Variants in LRRC37A2 observed in about 807,000 individuals in gnomAD.
LRRC37A2 encodes the protein leucine rich repeat containing 37 member A2.
In LRRC37A2, 9 loss-of-function variants were observed where a neutral mutation model predicts 68.8. The observed-to-expected ratio is 0.13, with a 90% confidence interval of 0.08 to 0.23. The LOEUF is 0.23. Among genes scored for constraint, LRRC37A2 ranks in the 10% least tolerant of loss-of-function variants. The pLI, the probability that LRRC37A2 is intolerant of heterozygous loss-of-function variation, is 1.00. For synonymous variants in LRRC37A2, 63 were observed against 367.6 expected (o/e 0.17, Z 9.48); for missense variants, 168 against 950.4 (o/e 0.18, Z 10.82).
At chr17:46,999,522 T>G in the LRRC37A2 span, among the ~76,000 whole-genome samples, 2 of 152,066 alleles carry the variant, frequency 1.3e-5, no homozygotes, top group Non-Finnish European at 2.9e-5. Flanking sequence ...CTAATTTTTG[T>G]AATTTTTTGT....
the LRRC37A2 span, chr17:47,021,877 C>T: frequency 2.0e-6 from 3 of 1,520,952 alleles, no homozygotes; most frequent in African/African-American, 4.1e-5. Context: ...ATATTTCTTA[C>T]ATTGATGGAA....
At chr17:46,862,632 G>A in the LRRC37A2 span, among the ~76,000 whole-genome samples, 2 of 152,108 alleles carry the variant, frequency 1.3e-5, no homozygotes, top group Non-Finnish European at 2.9e-5. Flanking sequence ...GCCCAGGCTG[G>A]AGTGCAGTGG....
At chr17:46,972,699 C>T in the LRRC37A2 span, among the ~76,000 whole-genome samples, 6 of 152,304 alleles carry the variant, frequency 3.9e-5, no homozygotes, top group Admixed American at 6.5e-5. Flanking sequence ...TGCTCTGTAG[C>T]CCCAAACCCT....
chr17:46,497,675 A>T, the LRRC37A2 span, among the ~76,000 whole-genome samples: 11 of 149,900 alleles, frequency 7.3e-5, 2 homozygotes, highest in African/African-American at 2.8e-4. Context: ...AGTGTATATT[A>T]TATCTACATG....
the LRRC37A2 span, among the ~76,000 whole-genome samples, chr17:46,697,282 C>G: frequency 7.7e-6 from 1 of 130,602 alleles, no homozygotes. Context: ...ACAGTCTTCG[C>G]TCACTGCAAC....
At chr17:46,766,323 G>A in the LRRC37A2 span, among the ~76,000 whole-genome samples, 2 of 151,834 alleles carry the variant, frequency 1.3e-5, no homozygotes, top group South Asian at 2.1e-4. Context: ...CAGGAGAATC[G>A]CTTGAACCCA....
chr17:46,691,683 C>T, the LRRC37A2 span, among the ~76,000 whole-genome samples: 1 of 151,692 alleles, frequency 6.6e-6, no homozygotes, highest in Non-Finnish European at 1.5e-5. Context: ...TCATTATGCT[C>T]ATTTAATTTT....
the LRRC37A2 span, among the ~76,000 whole-genome samples, chr17:46,965,628 T>TCTGTTCTTTG: frequency 6.6e-6 from 1 of 151,792 alleles, no homozygotes; most frequent in African/African-American, 2.4e-5. Flanking sequence ...ATGCCTTCTC[T>TCTGTTCTTTG]TTCTTTTTTT....
chr17:46,895,007 T>C, the LRRC37A2 span, among the ~76,000 whole-genome samples: 1 of 152,148 alleles, frequency 6.6e-6, no homozygotes, highest in African/African-American at 2.4e-5. Context: ...TCCCAGCCAC[T>C]GGAGAGCCGG....
the LRRC37A2 span, among the ~76,000 whole-genome samples, chr17:46,492,698 T>G: frequency 1.0e-3 from 110 of 106,210 alleles, 1 homozygote; most frequent in Middle Eastern, 0.011. Context: ...TGTTTTTTTT[T>G]TTTTTTTTTT....
chr17:46,921,440 A>C, the LRRC37A2 span, among the ~76,000 whole-genome samples: 246 of 152,374 alleles, frequency 1.6e-3, 1 homozygote, highest in African/African-American at 5.7e-3. Flanking sequence ...TTCATGTCTA[A>C]AACACCAAAA....
At chr17:46,755,743 A>ATTAT in the LRRC37A2 span, 12 of 910,170 alleles carry the variant, frequency 1.3e-5, no homozygotes, top group Non-Finnish European at 1.8e-5. Flanking sequence ...TTTTTTTTTG[A>ATTAT]TGAATAGTTT....
the LRRC37A2 span, among the ~76,000 whole-genome samples, chr17:46,828,877 G>A: frequency 1.4e-5 from 2 of 145,230 alleles, no homozygotes; most frequent in Non-Finnish European, 3.1e-5. Context: ...CTGGAGAATC[G>A]CTTGAGCCCA....
the LRRC37A2 span, among the ~76,000 whole-genome samples, chr17:46,390,159 G>T: frequency 2.4e-5 from 3 of 123,202 alleles, no homozygotes; most frequent in East Asian, 6.6e-4. Flanking sequence ...GAGACAGCAA[G>T]ATCTCACCAT....
the LRRC37A2 span, among the ~76,000 whole-genome samples, chr17:46,489,931 C>G: frequency 6.6e-6 from 1 of 150,996 alleles, no homozygotes; most frequent in East Asian, 1.9e-4. Context: ...GATATGAGAC[C>G]CTGAGGTTTA....
the LRRC37A2 span, among the ~76,000 whole-genome samples, chr17:47,001,717 C>CTTT: frequency 3.4e-3 from 365 of 108,598 alleles, 1 homozygote; most frequent in Non-Finnish European, 4.4e-3. Flanking sequence ...CTCTTTTTTC[C>CTTT]TTTTTTTTTT....
chr17:46,418,221 G>GTA, the LRRC37A2 span, among the ~76,000 whole-genome samples: 2 of 67,120 alleles, frequency 3.0e-5, no homozygotes, highest in African/African-American at 7.0e-5. Flanking sequence ...GTGTTTGTGT[G>GTA]TGTGTGTGTG....
the LRRC37A2 span, among the ~76,000 whole-genome samples, chr17:46,899,125 C>T: frequency 6.6e-6 from 1 of 152,092 alleles, no homozygotes; most frequent in Non-Finnish European, 1.5e-5. Context: ...TGCAGTGGCT[C>T]ACACTCATAA....
chr17:47,011,484 G>A, the LRRC37A2 span, among the ~76,000 whole-genome samples: 5 of 151,818 alleles, frequency 3.3e-5, no homozygotes, highest in East Asian at 1.9e-4. Context: ...GGGAGGTGGT[G>A]GAGGGTGAAG....
Sources: allele counts gnomAD v4.1 joint callset (sites outside exome capture counted in the v4.1 genomes callset), GRCh38; gene constraint gnomAD v4.1.1; transcripts MANE v1.5; gene names NCBI Gene and HGNC (gene_info 2026-07-23, HGNC 2026-07-21).